ALK: variants seen among roughly 807,000 people sequenced by gnomAD.
ALK encodes the protein ALK tyrosine kinase receptor.
A neutral mutation model predicts 163.1 loss-of-function variants in ALK; 74 were observed. The ratio of observed to expected loss-of-function variants is 0.45; its 90% CI spans 0.38 to 0.55. The LOEUF is 0.55. Ranked by LOEUF, ALK falls within the 20% of genes least tolerant of loss-of-function variation. The probability of loss-of-function intolerance (pLI) is 0.00; values close to 1 mark genes in which losing one functional copy is unlikely to be tolerated. For synonymous variants in ALK, 960 were observed against 843.2 expected, an observed-to-expected ratio of 1.14 and a Z score of -2.40; for missense variants, 2,063 against 2,105.3, an observed-to-expected ratio of 0.98 and a Z score of 0.39.
chr2:29,679,960 C>A (rs1392911577), intron 3 of ALK, among the ~76,000 whole-genome samples: 1 of 151,930 alleles, frequency 6.6e-6, no homozygotes, highest in East Asian at 1.9e-4. Context: ...TGCTTGATAT[C>A]AAAAACTTGT....
At chr2:29,408,202 C>T (rs1558311484) in intron 4 of ALK, among the ~76,000 whole-genome samples, 1 of 151,704 alleles carries the variant, frequency 6.6e-6, no homozygotes, top group Non-Finnish European at 1.5e-5. Context: ...CCTGCCTCAG[C>T]CTCTCGAGTA....
chr2:29,364,439 C>T (rs946861136), intron 5 of ALK, among the ~76,000 whole-genome samples: 1 of 152,190 alleles, frequency 6.6e-6, no homozygotes, highest in East Asian at 1.9e-4. Context: ...GGCCAGAAGA[C>T]CCTGGCACAC....
intron 5 of ALK, among the ~76,000 whole-genome samples, chr2:29,358,206 C>T (rs545166848): frequency 6.6e-6 from 1 of 152,318 alleles, no homozygotes; most frequent in East Asian, 1.9e-4. Flanking sequence ...TGTATTAAAA[C>T]AATAACTGAA....
intron 25 of ALK, among the ~76,000 whole-genome samples, chr2:29,209,432 C>T (rs930513846): frequency 6.6e-6 from 1 of 151,496 alleles, no homozygotes; most frequent in Non-Finnish European, 1.5e-5. Flanking sequence ...ATCCCAGCTA[C>T]TCGAGAAGCT....
chr2:29,636,307 T>C (rs987923678), intron 3 of ALK, among the ~76,000 whole-genome samples: 3 of 149,416 alleles, frequency 2.0e-5, no homozygotes, highest in East Asian at 2.0e-4. Flanking sequence ...CTTGGAGCAA[T>C]TGGACATCCA....
intron 1 of ALK, among the ~76,000 whole-genome samples, chr2:29,760,898 C>G (rs553543754): frequency 2.7e-4 from 41 of 152,314 alleles, no homozygotes; most frequent in Middle Eastern, 6.8e-3. Context: ...GCTGTTTGCA[C>G]ACCTACATGC....
chr2:29,359,694 G>A (rs975658074), intron 5 of ALK, among the ~76,000 whole-genome samples: 6 of 152,126 alleles, frequency 3.9e-5, no homozygotes, highest in Admixed American at 3.9e-4. Context: ...GCCTTTGAAT[G>A]GGCTGCTTCA....
At chr2:29,499,491 C>T (rs527949487) in intron 4 of ALK, among the ~76,000 whole-genome samples, 7 of 152,230 alleles carry the variant, frequency 4.6e-5, no homozygotes, top group Non-Finnish European at 8.8e-5. Flanking sequence ...CCACTGCACC[C>T]GGCTCCTAGG....
In ALK at chr2:29,193,702, G is replaced by C. The variant is rs2148138497; in HGVS notation, c.4385C>G (p.Ser1462Cys). ...AAKKPTAAEI[S>C]VRVPRGPAVE... ...GGCCGGCCCTCTAGGGACTCGAACA[G>C]AGATCTCTGCAGCTGTGGGTTTCTT... Residue 1462 changes from serine to cysteine, a missense_variant, in exon 29 of 29, where the codon TCT (serine) becomes TGT (cysteine). Around this residue, in one of 5 missense-constraint regions of ALK, gnomAD observed 403 missense variants for 366.2 expected, o/e 1.10. Transcript: ENST00000389048. The C allele has an allele frequency of 6.2e-7, 1 of 1,611,614 alleles. No homozygotes were observed.
At chr2:29,576,402 G>A (rs544084870) in intron 3 of ALK, among the ~76,000 whole-genome samples, 2 of 152,280 alleles carry the variant, frequency 1.3e-5, no homozygotes, top group South Asian at 2.1e-4. Flanking sequence ...CATGCACACT[G>A]CCTTCCAACT....
At chr2:29,777,959 T>C (rs181077116) in intron 1 of ALK, among the ~76,000 whole-genome samples, 18 of 152,240 alleles carry the variant, frequency 1.2e-4, no homozygotes, top group African/African-American at 4.1e-4. Flanking sequence ...AGTCCAGCCT[T>C]CCACCTGGCA....
chr2:29,371,162 C>G (rs1668629136), intron 5 of ALK, among the ~76,000 whole-genome samples: 1 of 152,222 alleles, frequency 6.6e-6, no homozygotes, highest in African/African-American at 2.4e-5. Flanking sequence ...CGCTGCCCAG[C>G]AACTGTCTGC....
intron 4 of ALK, among the ~76,000 whole-genome samples, chr2:29,442,618 C>T (rs1224961783): frequency 5.3e-5 from 8 of 152,072 alleles, no homozygotes; most frequent in South Asian, 4.1e-4. Flanking sequence ...ATGTAGTACA[C>T]GTTTTCCAGG....
chr2:29,615,513 C>T (rs1211537188), intron 3 of ALK, among the ~76,000 whole-genome samples: 3 of 152,294 alleles, frequency 2.0e-5, no homozygotes, highest in South Asian at 4.1e-4. Flanking sequence ...TTAAGTGCTT[C>T]GAGATAGTGT....
intron 3 of ALK, among the ~76,000 whole-genome samples, chr2:29,575,161 A>G (rs1674488447): frequency 6.6e-6 from 1 of 152,136 alleles, no homozygotes; most frequent in Non-Finnish European, 1.5e-5. Flanking sequence ...AATTAAACCA[A>G]ATTGATTGTG....
chr2:29,602,835 G>A (rs1245962753), intron 3 of ALK, among the ~76,000 whole-genome samples: 1 of 152,240 alleles, frequency 6.6e-6, no homozygotes, highest in Non-Finnish European at 1.5e-5. Context: ...TGTATTCCGA[G>A]CCAGATGTGA....
intron 1 of ALK, among the ~76,000 whole-genome samples, chr2:29,732,625 C>T (rs934202112): frequency 1.3e-5 from 2 of 152,220 alleles, no homozygotes; most frequent in African/African-American, 4.8e-5. Context: ...TCGAAACCCA[C>T]TCCCCAGTGT....
intron 9 of ALK, among the ~76,000 whole-genome samples, chr2:29,288,975 TA>T (rs1665943289): frequency 9.2e-6 from 1 of 109,016 alleles, no homozygotes; most frequent in Non-Finnish European, 1.8e-5. Flanking sequence ...AATAAATAAA[TA>T]AATAAATAAA....
intron 1 of ALK, among the ~76,000 whole-genome samples, chr2:29,830,712 TTAAAAAAAAAAAAAAAAAAAAAAAAA>T (rs1412568385): frequency 1.1e-4 from 7 of 63,512 alleles, no homozygotes; most frequent in Non-Finnish European, 1.7e-4. Context: ...CTAAAATAGT[TTAAAAAAAAAAAAAAAAAAAAAAAAA>T]AAAAAAAAAA....
Sources: gnomAD v4.1 joint callset for allele counts (sites outside exome capture counted in the v4.1 genomes callset) on GRCh38, gnomAD v4.1.1 for gene constraint, gnomAD v4.1.1 regional missense constraint, MANE v1.5 for transcripts, NCBI Gene and HGNC (gene_info 2026-07-23, HGNC 2026-07-21) for gene names.